Variants in WASHC2A observed in about 807,000 individuals in gnomAD.
WASHC2A encodes WASH complex subunit FAM21A.
Under a neutral mutation model 140.3 loss-of-function variants are expected in WASHC2A, and 82 were observed. The ratio of observed to expected loss-of-function variants is 0.58; its 90% CI spans 0.49 to 0.70. WASHC2A has a LOEUF of 0.70. Among genes scored for constraint, WASHC2A ranks in the 30% least tolerant of loss-of-function variants. The pLI, the probability that WASHC2A is intolerant of heterozygous loss-of-function variation, is 0.00. For missense variants in WASHC2A, 985 were observed against 1,521.8 expected (o/e 0.65, Z 5.87); for synonymous variants, 340 against 560.8 (o/e 0.61, Z 5.56).
At chr10:50,090,515 A>AATATATATATATATATATATAT (rs1203140565) in intron 8 of WASHC2A, among the ~76,000 whole-genome samples, 3 of 108,722 alleles carry the variant, frequency 2.8e-5, no homozygotes, top group African/African-American at 9.8e-5. Context: ...AAAAAAAAAA[A>AATATATATATATATATATATAT]ATATATATAT....
At chr10:50,109,376 CTTTT>C (rs1186254741) in intron 19 of WASHC2A, among the ~76,000 whole-genome samples, 1 of 151,984 alleles carries the variant, frequency 6.6e-6, no homozygotes, top group Admixed American at 6.6e-5. Context: ...AGTTTTTACA[CTTTT>C]TTTTCAATCT....
chr10:50,091,818 C>G (rs1839956295), intron 10 of WASHC2A, among the ~76,000 whole-genome samples: 2 of 152,120 alleles, frequency 1.3e-5, no homozygotes, highest in South Asian at 4.1e-4. Flanking sequence ...TTAAGAATTC[C>G]TGGCTGAATA....
chr10:50,082,248 G>C (rs1319774295), intron 5 of WASHC2A, among the ~76,000 whole-genome samples: 4,333 of 149,492 alleles, frequency 0.029, 191 homozygotes, highest in African/African-American at 0.099. Flanking sequence ...CCAAATTAAC[G>C]CTGTCTTTGC....
At chr10:50,121,414 A>G (rs1554893435) in intron 23 of WASHC2A, among the ~76,000 whole-genome samples, 4 of 145,350 alleles carry the variant, frequency 2.8e-5, no homozygotes, top group Admixed American at 1.3e-4. Context: ...TTTTTTTGCA[A>G]TGGAGTTTCA....
At chr10:50,121,860 C>T (rs1358450246) in intron 23 of WASHC2A, among the ~76,000 whole-genome samples, 1 of 147,898 alleles carries the variant, frequency 6.8e-6, no homozygotes, top group Admixed American at 6.7e-5. Context: ...AAATTAAAGA[C>T]CTAAAATTGA....
chr10:50,091,953 C>G (rs532117563), intron 10 of WASHC2A, among the ~76,000 whole-genome samples: 1 of 152,050 alleles, frequency 6.6e-6, no homozygotes, highest in Non-Finnish European at 1.5e-5. Flanking sequence ...GAGCCTGGTA[C>G]GAAAGCAGAA....
intron 3 of WASHC2A, chr10:50,078,095 C>T (rs1350707081): frequency 6.9e-6 from 5 of 722,932 alleles, no homozygotes; most frequent in South Asian, 1.9e-5. Flanking sequence ...AAAAGAGAGT[C>T]TTGCCTACCC....
At chr10:50,101,508 C>T (rs1476967929) in intron 17 of WASHC2A, among the ~76,000 whole-genome samples, 3 of 152,310 alleles carry the variant, frequency 2.0e-5, no homozygotes, top group Non-Finnish European at 2.9e-5. Flanking sequence ...CTACTTCCCA[C>T]TAAAGTACGT....
Position 50,068,137 on chromosome 10 carries a change from G to A in WASHC2A, c.36G>A (p.Ala12=). ...MNRTTPDQEL[A]PASEPVWERP... ...GGACGACCCCCGACCAGGAGCTGGC[G>A]CCAGCGTCGGAGCCCGTGTGGGAGC... Residue 12 remains alanine, a synonymous_variant, in exon 2 of 31, where the codon GCG becomes GCA. Coordinates refer to ENST00000282633, the MANE Select transcript of WASHC2A (RefSeq NM_001005751.3). 1.9e-6 allele frequency: 3 copies of A among 1,601,932 alleles called. No homozygotes were observed. The highest frequency in any genetic ancestry group is 2.6e-6 in the Non-Finnish European group (3 of 1,174,704).
chr10:50,095,622 G>C lies in WASHC2A; in HGVS notation c.1264G>C (p.Ala422Pro). 1 of 1,611,862 alleles carries C rather than the reference G, an allele frequency of 6.2e-7. No homozygotes were observed. ...FLGDTDVFGAASVPSMKEPQK... is the reference protein window; with the variant it reads ...FLGDTDVFGAPSVPSMKEPQK... ...AGGAGACACGGATGTGTTTGGTGCTGCCTCCGTTCCATCAATGAAGGAGCC... is the reference window on the plus strand; with the variant it reads ...AGGAGACACGGATGTGTTTGGTGCTCCCTCCGTTCCATCAATGAAGGAGCC... The change falls in exon 15 of 31, where the codon GCC (alanine) becomes CCC (proline). Residue 422 changes from alanine (A) to proline (P), a missense_variant. By Grantham distance (27) the Ala-to-Pro change is conservative (BLOSUM62 -1). Transcript: ENST00000282633.
At chr10:50,069,171 A>G (rs1479758817) in intron 2 of WASHC2A, among the ~76,000 whole-genome samples, 1 of 151,996 alleles carries the variant, frequency 6.6e-6, no homozygotes, top group African/African-American at 2.4e-5. Context: ...TCACACCTGT[A>G]ATCCTAGCAC....
chr10:50,120,105 A>G (rs1404296558), intron 23 of WASHC2A, among the ~76,000 whole-genome samples: 1 of 140,236 alleles, frequency 7.1e-6, no homozygotes, highest in East Asian at 2.4e-4. Context: ...AAGTATTTCT[A>G]ACATTCAGTT....
At chr10:50,112,339 G>A (rs1842359952) in intron 20 of WASHC2A, 1 of 674,682 alleles carries the variant, frequency 1.5e-6, no homozygotes, top group Non-Finnish European at 1.8e-6. Context: ...GTCAAGTTTT[G>A]TGTATGGAAA....
rs1303642678 is a variant in WASHC2A, at chr10:50,131,042, A to C, written c.3850A>C (p.Lys1284Gln). 6 of 1,611,316 alleles carry C rather than the reference A, an allele frequency of 3.7e-6. No individual in the cohort carries two copies. The highest frequency in any genetic ancestry group is 5.1e-6 in the Non-Finnish European group (6 of 1,179,628). The part of the protein sequence containing the change: ...TVKPKEKSKK[K>Q]VEAKSIFDDD... ...AAAACCAAAAGAAAAGTCCAAAAAG[A>C]AAGTGGAAGCCAAGTCTATATTTGA... The change falls in exon 30 of 31, where the codon AAA (lysine) becomes CAA (glutamine). Residue 1284 changes from lysine to glutamine, a missense_variant. Lys to Gln is a moderately conservative substitution (Grantham distance 53). Transcript: ENST00000282633.
At chr10:50,094,900 G>A (rs1840317163) in intron 13 of WASHC2A, among the ~76,000 whole-genome samples, 1 of 151,362 alleles carries the variant, frequency 6.6e-6, no homozygotes, top group Non-Finnish European at 1.5e-5. Context: ...ACCCACTGCT[G>A]TGGCTTGATG....
chr10:50,070,858 C>T (rs1233647149), intron 3 of WASHC2A, among the ~76,000 whole-genome samples: 4 of 107,982 alleles, frequency 3.7e-5, no homozygotes, highest in Admixed American at 1.1e-4. Flanking sequence ...GGAGAAACCC[C>T]GTCTCTACTA....
chr10:50,100,740 G>A (rs1841045671), intron 17 of WASHC2A, among the ~76,000 whole-genome samples: 1 of 152,222 alleles, frequency 6.6e-6, no homozygotes, highest in Admixed American at 6.5e-5. Context: ...CGCTGTAGCA[G>A]ATGGGTTCTG....
intron 19 of WASHC2A, among the ~76,000 whole-genome samples, chr10:50,107,577 T>C (rs1554888966): frequency 1.3e-5 from 2 of 151,752 alleles, no homozygotes; most frequent in African/African-American, 4.9e-5. Flanking sequence ...TTCATGTTCT[T>C]ACTGAAAGCA....
At position 50,090,808 on chromosome 10, in the gene WASHC2A, T is replaced by C. The variant is rs1839861669; in HGVS notation, c.765T>C (p.Asp255=). The change falls in exon 9 of 31, where the codon GAT becomes GAC. Residue 255 remains aspartate, a synonymous_variant. Coordinates refer to ENST00000282633, the MANE Select transcript of WASHC2A (RefSeq NM_001005751.3). The stretch of plus-strand genomic sequence containing the variant: ...CACAAATGAGTGATGAGGAAGAGGA[T>C]GATGATGGCTGTGACCTTTTCGCTG... ...HTTQMSDEEE[D]DDGCDLFADS... The C allele has an allele frequency of 5.0e-6, 8 of 1,611,538 alleles. No individual in the cohort carries two copies. Among genetic ancestry groups the C allele is most frequent in the Non-Finnish European group, 6.8e-6 (8 of 1,179,782 alleles).
Sources: gnomAD v4.1 joint callset for allele counts (sites outside exome capture counted in the v4.1 genomes callset) on GRCh38, gnomAD v4.1.1 for gene constraint, MANE v1.5 for transcripts, NCBI Gene and HGNC (gene_info 2026-07-23, HGNC 2026-07-21) for gene names.